The following BAIAP2L2 variants were observed in gnomAD, a reference collection of about 807,000 sequenced individuals.
BAIAP2L2 encodes the protein BAR/IMD domain-containing adapter protein 2-like 2.
Under a neutral mutation model 60.4 loss-of-function variants are expected in BAIAP2L2, and 65 were observed. The observed-to-expected ratio is 1.08, with a 90% CI of 0.88 to 1.32. BAIAP2L2 has a LOEUF of 1.32. BAIAP2L2 is among the 40% of genes most tolerant of loss of function. The pLI is 0.00. For missense variants in BAIAP2L2, 836 were observed against 741.2 expected (o/e 1.13, Z -1.48); for synonymous variants, 344 against 301.7 (o/e 1.14, Z -1.45).
intron 10 of BAIAP2L2, among the ~76,000 whole-genome samples, chr22:38,088,546 C>G (rs781569265): frequency 2.0e-5 from 3 of 152,334 alleles, no homozygotes; most frequent in Admixed American, 2.0e-4. Flanking sequence ...GACCGTCATC[C>G]TGAACTTGGT....
At chr22:38,098,261 G>A in intron 5 of BAIAP2L2, 82 bp from the exon 6 acceptor site, 2 of 1,514,066 alleles carry the variant, frequency 1.3e-6, no homozygotes, top group Non-Finnish European at 1.8e-6. Context: ...CAGGGCCCTG[G>A]AAGTTTGGAG....
chr22:38,088,996 C>T, intron 9 of BAIAP2L2, 32 bp from the exon 10 acceptor site: 1 of 1,474,126 alleles, frequency 6.8e-7, no homozygotes, highest in Non-Finnish European at 9.0e-7. Flanking sequence ...GGCACGTGGG[C>T]AGGAAGTTCT....
chr22:38,110,871 G>A (rs1476610492), upstream of BAIAP2L2, among the ~76,000 whole-genome samples: 2 of 152,074 alleles, frequency 1.3e-5, no homozygotes, highest in African/African-American at 4.8e-5. Context: ...CCTCCTCAAG[G>A]ACCCCAACCC....
intron 7 of BAIAP2L2, among the ~76,000 whole-genome samples, chr22:38,096,254 T>C (rs979448486): frequency 6.6e-6 from 1 of 152,124 alleles, no homozygotes; most frequent in Non-Finnish European, 1.5e-5. Context: ...CCAAACAACA[T>C]GGCAGCTCAA....
At position 38,085,158 on chromosome 22, in the gene BAIAP2L2, C is replaced by T. The variant is rs1381297799; in HGVS notation, c.*142G>A. On this transcript the variant is annotated 3_prime_UTR_variant, in exon 14 of 14. Coordinates refer to ENST00000381669, the MANE Select transcript of BAIAP2L2 (RefSeq NM_025045.6). ...AGTGCTTTGGAGCTGCTCAGGCTGCCGGGGTGGTCTGGGGAGGGCAGCCAC... is the reference window on the plus strand; with the variant it reads ...AGTGCTTTGGAGCTGCTCAGGCTGCTGGGGTGGTCTGGGGAGGGCAGCCAC... The T allele has an allele frequency of 7.4e-5, 59 of 798,610 alleles. 1 individual carries two copies. Among genetic ancestry groups the T allele is most frequent in the South Asian group, 4.3e-4 (26 of 59,854 alleles). 49.5% of individuals were successfully genotyped at this position (798,610 alleles called of 1,614,324 possible).
Position 38,088,924 on chromosome 22 carries a change from G to A in BAIAP2L2, c.942C>T (p.Asn314=). The A allele has an allele frequency of 6.5e-7, 1 of 1,546,096 alleles. No homozygotes were observed. The highest frequency in any genetic ancestry group is 8.7e-7 in the Non-Finnish European group (1 of 1,152,728). Residue 314 remains asparagine (N), a synonymous_variant, in exon 10 of 14, where the codon AAC becomes AAT. Transcript: ENST00000381669. ...CGCCGCCCGGGCGCTCGCCAAAGGA[G>A]TTGGAGCGCGAGCTTTGGGCGCTGC... ...YSGSAQSSRS[N]SFGERPGGGG... is the part of the protein sequence containing the mutation.
intron 8 of BAIAP2L2, 97 bp downstream of exon 8, chr22:38,089,425 T>TGGGGGGCAGGAGGCTCCAGGC: frequency 1.6e-6 from 1 of 623,602 alleles, no homozygotes; most frequent in Non-Finnish European, 2.2e-6. Flanking sequence ...AGCGGGAGCC[T>TGGGGGGCAGGAGGCTCCAGGC]GGGGGGCAGG....
intron 3 of BAIAP2L2, 58 bp from the exon 4 acceptor site, chr22:38,107,971 C>G (rs2086700660): frequency 1.5e-5 from 23 of 1,554,924 alleles, no homozygotes; most frequent in Non-Finnish European, 2.0e-5. Context: ...CGCCCACCCA[C>G]CACCCTCTTC....
intron 1 of BAIAP2L2, among the ~76,000 whole-genome samples, chr22:38,109,743 T>C (rs981630068): frequency 6.6e-5 from 10 of 151,620 alleles, no homozygotes; most frequent in Non-Finnish European, 1.2e-4. Context: ...GCTCCCCGGA[T>C]GGTGAAGACG....
chr22:38,085,516 C>CTT, intron 13 of BAIAP2L2, 141 bp from the exon 14 acceptor site: 1 of 1,248,282 alleles, frequency 8.0e-7, no homozygotes, highest in South Asian at 1.3e-5. Context: ...CCCGCTTCAT[C>CTT]TTTTTTTTTC....
At position 38,085,376 on chromosome 22, in the gene BAIAP2L2, C is replaced by T; in HGVS notation, c.1515-1G>A. The T allele has an allele frequency of 6.2e-7, 1 of 1,613,570 alleles. No individual in the cohort carries two copies. Among genetic ancestry groups the T allele is most frequent in the Non-Finnish European group, 8.5e-7 (1 of 1,179,654 alleles). On this transcript the variant is annotated splice_acceptor_variant, in intron 13 of 13. Coordinates refer to ENST00000381669, the MANE Select transcript of BAIAP2L2 (RefSeq NM_025045.6). LOFTEE classifies it high-confidence loss of function. ...GACAGTGGCAAAAGGATTTGTGCCC[C>T]TGTAGGAGGAGAGAGAGAATGGGGT...
Position 38,085,311 on chromosome 22 carries a change from G to A in BAIAP2L2, c.1579C>T (p.Leu527Phe). 1.9e-6 allele frequency: 3 copies of A among 1,613,968 alleles called. No individual in the cohort carries two copies. Among genetic ancestry groups the A allele is most frequent in the Non-Finnish European group, 2.5e-6 (3 of 1,179,900 alleles). The change falls in exon 14 of 14, where the codon CTC becomes TTC. Residue 527 changes from leucine to phenylalanine, a missense_variant. Leu to Phe is a conservative substitution (Grantham distance 22). Coordinates refer to ENST00000381669, the MANE Select transcript of BAIAP2L2 (RefSeq NM_025045.6). The part of the protein sequence containing the change: ...PTITNDRSAP[L>F]IR The stretch of plus-strand genomic sequence containing the variant: ...CCTCGGACCCCGCCTCAGCGGATGA[G>A]GGGTGCTGAGCGGTCATTGGTGATG...
rs190172855 is a variant in BAIAP2L2 at position 38,087,353 on chromosome 22, G to A, written c.1119-89C>T. On this transcript the variant is annotated intron_variant, in intron 10 of 13. Transcript: ENST00000381669. ...AAGACATCCTCCCCTCAGGGTCACT[G>A]GAAGCTACTTCACCTCGAATTGACA... 3.0e-4 allele frequency: 441 copies of A among 1,471,234 alleles called. 1 individual carries two copies. The African/African-American group carries it at 4.6e-3, about 15-fold the overall frequency. The allele number at this position is 1,471,234 out of a possible 1,614,324, so 91.1% of individuals were successfully genotyped here.
chr22:38,085,582 CAA>C, intron 13 of BAIAP2L2, 102 bp downstream of exon 13: 1 of 1,413,812 alleles, frequency 7.1e-7, no homozygotes, highest in Admixed American at 1.7e-5. Flanking sequence ...CTGTTGGAAT[CAA>C]GAGATCCTCC....
intron 7 of BAIAP2L2, among the ~76,000 whole-genome samples, chr22:38,095,160 A>T (rs2086400320): frequency 6.6e-6 from 1 of 152,136 alleles, no homozygotes; most frequent in Non-Finnish European, 1.5e-5. Context: ...CAAAATAAAT[A>T]AATACATACA....
intron 7 of BAIAP2L2, among the ~76,000 whole-genome samples, chr22:38,092,471 T>C (rs2086328697): frequency 6.6e-6 from 1 of 152,078 alleles, no homozygotes; most frequent in Non-Finnish European, 1.5e-5. Context: ...GAGACGGGGT[T>C]TCACCATGTT....
intron 12 of BAIAP2L2, 69 bp from the exon 13 acceptor site, chr22:38,085,801 C>T (rs2086047143): frequency 4.3e-6 from 6 of 1,410,202 alleles, no homozygotes; most frequent in Non-Finnish European, 5.8e-6. Context: ...TCCTCCCCTC[C>T]CTCTCCCCAT....
chr22:38,108,480 A>G (rs1006060986), intron 2 of BAIAP2L2, 139 bp from the exon 3 acceptor site: 2 of 651,570 alleles, frequency 3.1e-6, no homozygotes, highest in Non-Finnish European at 5.3e-6. Flanking sequence ...GGGTGTGACC[A>G]GTTGAGCTGT....
intron 4 of BAIAP2L2, among the ~76,000 whole-genome samples, chr22:38,104,496 CTTTT>C (rs35517234): frequency 2.9e-5 from 4 of 137,402 alleles, no homozygotes; most frequent in Non-Finnish European, 3.2e-5. Flanking sequence ...ACTCAAATTT[CTTTT>C]TTTTTTTTTT....
Sources: allele counts gnomAD v4.1 joint callset (sites outside exome capture counted in the v4.1 genomes callset), GRCh38; gene constraint gnomAD v4.1.1; transcripts MANE v1.5; gene names NCBI Gene and HGNC (gene_info 2026-07-23, HGNC 2026-07-21).